The following TXNDC11 variants were observed in gnomAD, a reference collection of about 807,000 sequenced individuals.
TXNDC11 encodes thioredoxin domain containing 11, also known as thioredoxin domain-containing protein 11.
A neutral mutation model predicts 78.0 loss-of-function variants in TXNDC11; 68 were observed. The ratio of observed to expected loss-of-function variants is 0.87; its 90% CI spans 0.72 to 1.07. The LOEUF is 1.07. Ranked by LOEUF, TXNDC11 falls within the 50% of genes least tolerant of loss-of-function variation. The pLI is 0.00. For synonymous variants in TXNDC11, 571 were observed against 495.2 expected (o/e 1.15, Z -2.03); for missense variants, 1,389 against 1,221.8 (o/e 1.14, Z -2.04).
intron 10 of TXNDC11, among the ~76,000 whole-genome samples, chr16:11,685,925 C>G (rs751894848): frequency 2.6e-5 from 4 of 152,150 alleles, no homozygotes; most frequent in Non-Finnish European, 5.9e-5. Context: ...ATAAGGCCCC[C>G]CTTTCTTATG....
In TXNDC11 at chr16:11,679,753, A is replaced by G; in HGVS notation, c.2319T>C (p.Pro773=). 6.2e-7 allele frequency: 1 copy of G among 1,614,168 alleles called. No individual in the cohort carries two copies. Among genetic ancestry groups the G allele is most frequent in the Non-Finnish European group, 8.5e-7 (1 of 1,180,014 alleles). ...LLRFILHHSD[P]ASSPQNVANS... is the part of the protein sequence containing the mutation. ...TAGCCACATTCTGGGGGCTGGAAGCAGGGTCTGAGTGATGCAAAATGAACC... is the reference window on the plus strand; with the variant it reads ...TAGCCACATTCTGGGGGCTGGAAGCGGGGTCTGAGTGATGCAAAATGAACC... Residue 773 remains proline, a synonymous_variant, in exon 12 of 12, where the codon CCT becomes CCC. Coordinates refer to ENST00000283033, the MANE Select transcript of TXNDC11 (RefSeq NM_015914.7). The surrounding 1 kb of genome is among the most constrained non-coding windows in gnomAD (Gnocchi z 4.6).
intron 7 of TXNDC11, among the ~76,000 whole-genome samples, chr16:11,697,794 C>G (rs2050898492): frequency 6.6e-6 from 1 of 152,284 alleles, no homozygotes; most frequent in East Asian, 1.9e-4. Context: ...TGTTTCACCC[C>G]CTAAACAGGA....
intron 3 of TXNDC11, among the ~76,000 whole-genome samples, chr16:11,732,099 G>A (rs1446184169): frequency 1.3e-5 from 2 of 152,158 alleles, no homozygotes; most frequent in African/African-American, 4.8e-5. Context: ...GTGGAGGCGG[G>A]CATTTCAAGG....
At chr16:11,680,889 G>C (rs910916830) in intron 11 of TXNDC11, among the ~76,000 whole-genome samples, 23 of 152,174 alleles carry the variant, frequency 1.5e-4, no homozygotes, top group African/African-American at 5.1e-4. Context: ...TGACAAAGCT[G>C]GGTGTGGTGC....
intron 4 of TXNDC11, among the ~76,000 whole-genome samples, chr16:11,729,297 C>A (rs368436768): frequency 2.0e-5 from 3 of 152,194 alleles, no homozygotes; most frequent in Admixed American, 1.3e-4. Context: ...CCCTCACCCA[C>A]CAGCCTGCCC....
chr16:11,689,254 A>G (rs2050646551), intron 8 of TXNDC11, among the ~76,000 whole-genome samples: 2 of 152,130 alleles, frequency 1.3e-5, no homozygotes, highest in East Asian at 1.9e-4. Context: ...GCACTCAGCT[A>G]AAGTTTCAGT....
At chr16:11,728,293 C>T (rs1374687814) in intron 4 of TXNDC11, among the ~76,000 whole-genome samples, 5 of 152,270 alleles carry the variant, frequency 3.3e-5, no homozygotes, top group African/African-American at 9.6e-5. Flanking sequence ...ACAAGTGTCA[C>T]GATGGGCTTG....
In TXNDC11 at chr16:11,730,752, CT is replaced by C; in HGVS notation, c.591del (p.Gly198AlafsTer3). The C allele has an allele frequency of 6.2e-7, 1 of 1,604,386 alleles. No individual in the cohort carries two copies. The highest frequency in any genetic ancestry group is 8.5e-7 in the Non-Finnish European group (1 of 1,174,040). On this transcript the variant is annotated frameshift_variant, in exon 4 of 12. Transcript: ENST00000283033. LOFTEE classifies it high-confidence loss of function. The stretch of plus-strand genomic sequence containing the variant: ...TCAATGTAAACAGCACTCATGGGGC[CT>C]TTGTATTCGATTGGTCCAAAACTAG... ...YHRSFGPIEY[K>X]GPMSAVYIEK... is the part of the protein sequence containing the mutation.
In TXNDC11 at chr16:11,740,307, T is replaced by A. The variant is rs1404855804; in HGVS notation, c.254+2170A>T. 1.3e-5 allele frequency among the ~76,000 whole-genome samples: 2 copies of A among 152,122 alleles called. 1 individual carries two copies. Reference sequence around the variant, plus strand: ...TCAATCAAAGATGACCCTAAAAAAATTAATCCGAGTCTATTAAAAGACTGT... The same window carrying A: ...TCAATCAAAGATGACCCTAAAAAAAATAATCCGAGTCTATTAAAAGACTGT... On this transcript the variant is annotated intron_variant, in intron 1 of 11. Coordinates refer to ENST00000283033, the MANE Select transcript of TXNDC11 (RefSeq NM_015914.7).
At chr16:11,699,574 T>C (rs1214136966) in intron 6 of TXNDC11, among the ~76,000 whole-genome samples, 1 of 152,244 alleles carries the variant, frequency 6.6e-6, no homozygotes, top group Non-Finnish European at 1.5e-5. Flanking sequence ...TTTTGGAATA[T>C]AAACTGCAAG....
intron 4 of TXNDC11, among the ~76,000 whole-genome samples, chr16:11,726,034 T>G (rs796727464): frequency 1.3e-5 from 2 of 152,188 alleles, no homozygotes; most frequent in African/African-American, 4.8e-5. Flanking sequence ...TGTGCCACCA[T>G]GCTTGGCTAA....
At position 11,698,202 on chromosome 16, in the gene TXNDC11, C is replaced by G. The variant is rs1327179617; in HGVS notation, c.1030G>C (p.Glu344Gln). 2.5e-6 allele frequency: 4 copies of G among 1,614,106 alleles called. No homozygotes were observed. In the African/African-American group the frequency reaches 5.3e-5, roughly 22 times the overall value. Residue 344 changes from glutamate (E) to glutamine (Q), a missense_variant, in exon 7 of 12, where the codon GAG (glutamate) becomes CAG (glutamine). Glu to Gln is a conservative substitution (Grantham distance 29). Transcript: ENST00000283033. ...HGGKSLLLNN[E>Q]LKKGPALFLF... ...AACAGCGCTGGTCCTTTCTTCAGCT[C>G]GTTATTCAGCAGGAGACTCTTGCCT...
Position 11,720,320 on chromosome 16 carries a change from T to C in TXNDC11, c.793+1257A>G, listed in dbSNP as rs527347410. 4.6e-5 allele frequency among the ~76,000 whole-genome samples: 7 copies of C among 152,264 alleles called. 1 individual carries two copies. In the South Asian group the frequency reaches 1.2e-3, roughly 27 times the overall value. ...AAAAATACTTCTCAGAAGAAATGTA[T>C]TGCTAAATTACAACCTATCTGACAG... On this transcript the variant is annotated intron_variant, in intron 5 of 11. Coordinates refer to ENST00000283033, the MANE Select transcript of TXNDC11 (RefSeq NM_015914.7).
At chr16:11,704,112 A>G (rs1163940127) in intron 5 of TXNDC11, among the ~76,000 whole-genome samples, 2 of 152,194 alleles carry the variant, frequency 1.3e-5, no homozygotes, top group Non-Finnish European at 2.9e-5. Context: ...AAATGAAGTA[A>G]AGAAGTGCTC....
chr16:11,681,527 A>G (rs1448549514), intron 11 of TXNDC11, among the ~76,000 whole-genome samples: 1 of 152,234 alleles, frequency 6.6e-6, no homozygotes, highest in Non-Finnish European at 1.5e-5. Context: ...GAAAGCAGTC[A>G]TGTGAAACTA....
chr16:11,680,194 G>A (rs2050386519), intron 11 of TXNDC11, among the ~76,000 whole-genome samples: 1 of 152,256 alleles, frequency 6.6e-6, no homozygotes, highest in Non-Finnish European at 1.5e-5. Context: ...ATGCCCAGCG[G>A]CTGTGTCAGG....
chr16:11,691,058 T>C (rs1001134312), intron 8 of TXNDC11: 4 of 541,560 alleles, frequency 7.4e-6, no homozygotes, highest in South Asian at 2.3e-5. Context: ...ACCCCCACCA[T>C]GGGCTAAATG....
At chr16:11,725,582 A>G (rs751220819) in intron 4 of TXNDC11, among the ~76,000 whole-genome samples, 66 of 152,340 alleles carry the variant, frequency 4.3e-4, no homozygotes, top group Non-Finnish European at 5.3e-4. Flanking sequence ...TCCAGTCTCC[A>G]TGTAGGTAAA....
At chr16:11,713,853 A>G (rs990831103) in intron 5 of TXNDC11, among the ~76,000 whole-genome samples, 1 of 152,146 alleles carries the variant, frequency 6.6e-6, no homozygotes, top group Non-Finnish European at 1.5e-5. Flanking sequence ...TACCCAAGAA[A>G]AAAAAACGAT....
Sources: gnomAD v4.1 joint callset for allele counts (sites outside exome capture counted in the v4.1 genomes callset) on GRCh38, gnomAD v4.1.1 for gene constraint, Gnocchi (gnomAD v3.1) non-coding constraint, MANE v1.5 for transcripts, NCBI Gene and HGNC (gene_info 2026-07-23, HGNC 2026-07-21) for gene names.